The following CSMD3 variants were observed in gnomAD, a reference collection of about 807,000 sequenced individuals.
CSMD3 encodes CUB and sushi domain-containing protein 3.
In CSMD3, 177 loss-of-function variants were observed where a neutral mutation model predicts 435.2. The ratio of observed to expected loss-of-function variants is 0.41; its 90% CI spans 0.36 to 0.46. The LOEUF (loss-of-function observed/expected upper bound fraction) is 0.46. Ranked by LOEUF, CSMD3 falls within the 20% of genes least tolerant of loss-of-function variation. The pLI, the probability that CSMD3 is intolerant of heterozygous loss-of-function variation, is 0.34. For synonymous variants in CSMD3, 1,656 were observed against 1,520.5 expected, an observed-to-expected ratio of 1.09 and a Z score of -2.07; for missense variants, 4,265 against 4,504.6, an observed-to-expected ratio of 0.95 and a Z score of 1.52.
intron 13 of CSMD3, among the ~76,000 whole-genome samples, chr8:112,704,478 C>A (rs548144756): frequency 6.6e-6 from 1 of 152,182 alleles, no homozygotes; most frequent in African/African-American, 2.4e-5. Flanking sequence ...GCTAGAAGAC[C>A]TGCACGAAAT....
chr8:112,670,453 A>T (rs2131726738), intron 16 of CSMD3, among the ~76,000 whole-genome samples: 1 of 152,332 alleles, frequency 6.6e-6, no homozygotes, highest in South Asian at 2.1e-4. Flanking sequence ...TGAAACTTTC[A>T]TGTAAAATGG....
intron 1 of CSMD3, among the ~76,000 whole-genome samples, chr8:113,344,650 G>A (rs2094140641): frequency 6.6e-6 from 1 of 152,082 alleles, no homozygotes; most frequent in African/African-American, 2.4e-5. Context: ...AACAAGTATA[G>A]TCGATATTGT....
intron 3 of CSMD3, among the ~76,000 whole-genome samples, chr8:113,211,920 G>T (rs1476368597): frequency 6.6e-6 from 1 of 152,064 alleles, no homozygotes; most frequent in Non-Finnish European, 1.5e-5. Flanking sequence ...AAAGTGCCAT[G>T]TATGAAAAAA....
chr8:112,736,538 G>C (rs1353218452), intron 13 of CSMD3, among the ~76,000 whole-genome samples: 1 of 151,982 alleles, frequency 6.6e-6, no homozygotes, highest in Non-Finnish European at 1.5e-5. Flanking sequence ...CTTGGCAAAT[G>C]CTCACTCATG....
intron 3 of CSMD3, among the ~76,000 whole-genome samples, chr8:113,204,682 A>T (rs947387057): frequency 2.6e-5 from 4 of 152,222 alleles, no homozygotes; most frequent in Non-Finnish European, 5.9e-5. Flanking sequence ...GTCCTATTTT[A>T]AAAAATATTT....
At chr8:113,104,241 T>C (rs761428431) in intron 4 of CSMD3, among the ~76,000 whole-genome samples, 2 of 152,126 alleles carry the variant, frequency 1.3e-5, no homozygotes, top group South Asian at 4.1e-4. Context: ...TTCCAGATGC[T>C]AAGCATTCAA....
At chr8:113,311,238 A>T (rs1056683458) in intron 2 of CSMD3, 2 of 152,148 alleles carry the variant, frequency 1.3e-5, no homozygotes, top group African/African-American at 4.8e-5. Context: ...TATGATTAAG[A>T]AAGAAATTAT....
intron 22 of CSMD3, among the ~76,000 whole-genome samples, chr8:112,599,237 A>G (rs1284021574): frequency 5.9e-5 from 9 of 151,464 alleles, no homozygotes; most frequent in African/African-American, 1.7e-4. Context: ...TCAAAAGAAG[A>G]CATTTATGCA....
At chr8:112,733,934 G>C (rs905881197) in intron 13 of CSMD3, among the ~76,000 whole-genome samples, 1 of 151,952 alleles carries the variant, frequency 6.6e-6, no homozygotes, top group Admixed American at 6.6e-5. Flanking sequence ...GAGTGCTATG[G>C]ACATGAGAAA....
At chr8:113,296,641 G>A (rs1374702778) in intron 2 of CSMD3, among the ~76,000 whole-genome samples, 1 of 152,142 alleles carries the variant, frequency 6.6e-6, no homozygotes, top group Admixed American at 6.6e-5. Flanking sequence ...TTCATGAGAA[G>A]AACAATAGAA....
chr8:112,764,833 T>C (rs2077934155), intron 13 of CSMD3, among the ~76,000 whole-genome samples: 1 of 151,766 alleles, frequency 6.6e-6, no homozygotes, highest in African/African-American at 2.4e-5. Context: ...TAAATAATTT[T>C]GTTTAGAGTA....
At chr8:112,552,463 T>G in intron 26 of CSMD3, 131 bp downstream of exon 26, 1 of 863,690 alleles carries the variant, frequency 1.2e-6, no homozygotes, top group South Asian at 1.5e-5. Flanking sequence ...CCGGTCTGGA[T>G]GTCAGAGCAA....
intron 31 of CSMD3, among the ~76,000 whole-genome samples, chr8:112,476,097 G>A (rs1277840692): frequency 1.3e-5 from 2 of 152,048 alleles, no homozygotes; most frequent in East Asian, 3.8e-4. Context: ...CCAGGCTGGA[G>A]TGCAATGATA....
At chr8:112,866,362 T>A (rs1021509126) in intron 10 of CSMD3, among the ~76,000 whole-genome samples, 1 of 152,148 alleles carries the variant, frequency 6.6e-6, no homozygotes, top group Non-Finnish European at 1.5e-5. Context: ...ATAATATGAT[T>A]ACATCATGCA....
At chr8:113,148,696 A>T (rs1297911778) in intron 4 of CSMD3, among the ~76,000 whole-genome samples, 1 of 151,696 alleles carries the variant, frequency 6.6e-6, no homozygotes, top group Non-Finnish European at 1.5e-5. Flanking sequence ...GTACATATTT[A>T]AACACCTGTA....
At chr8:112,718,642 C>A (rs965673867) in intron 13 of CSMD3, among the ~76,000 whole-genome samples, 10 of 151,778 alleles carry the variant, frequency 6.6e-5, no homozygotes, top group African/African-American at 2.4e-4. Context: ...ACTACTTCAC[C>A]TTGAATATTC....
intron 1 of CSMD3, among the ~76,000 whole-genome samples, chr8:113,427,198 A>T (rs1023176262): frequency 6.6e-6 from 1 of 151,514 alleles, no homozygotes; most frequent in Admixed American, 6.6e-5. Context: ...ATATTTTATC[A>T]TATACACAAG....
At chr8:112,520,223 T>C (rs543473237) in intron 27 of CSMD3, among the ~76,000 whole-genome samples, 5 of 152,148 alleles carry the variant, frequency 3.3e-5, no homozygotes, top group African/African-American at 1.2e-4. Context: ...CAATAATTAC[T>C]CTCTGTATTT....
chr8:112,325,978 AACCAC>A (rs1444200365), intron 45 of CSMD3, among the ~76,000 whole-genome samples: 1 of 152,182 alleles, frequency 6.6e-6, no homozygotes, highest in Non-Finnish European at 1.5e-5. Flanking sequence ...AATAAGAATA[AACCAC>A]TATGACATCA....
Sources: gnomAD v4.1 joint callset for allele counts (sites outside exome capture counted in the v4.1 genomes callset) on GRCh38, gnomAD v4.1.1 for gene constraint, MANE v1.5 for transcripts, NCBI Gene and HGNC (gene_info 2026-07-23, HGNC 2026-07-21) for gene names.